ITGA8: variants seen among roughly 807,000 people sequenced by gnomAD.
ITGA8 encodes the protein integrin subunit alpha 8.
ITGA8 carries 91 observed loss-of-function variants against 142.3 expected under a neutral mutation model. The observed-to-expected ratio is 0.64, with a 90% CI of 0.54 to 0.76. ITGA8 has a LOEUF of 0.76. Among genes scored for constraint, ITGA8 ranks in the 30% least tolerant of loss-of-function variants. The probability of loss-of-function intolerance (pLI) is 0.00; values close to 1 mark genes in which losing one functional copy is unlikely to be tolerated. For synonymous variants in ITGA8, 505 were observed against 485.2 expected (o/e 1.04, Z -0.54); for missense variants, 1,406 against 1,327.7 (o/e 1.06, Z -0.92).
At chr10:15,627,343 G>T (rs1833602957) in intron 13 of ITGA8, among the ~76,000 whole-genome samples, 1 of 152,182 alleles carries the variant, frequency 6.6e-6, no homozygotes. Flanking sequence ...GATGAGAGGG[G>T]CTGAGCATCC....
chr10:15,682,220 A>G (rs1460695243), intron 4 of ITGA8, among the ~76,000 whole-genome samples: 2 of 152,154 alleles, frequency 1.3e-5, no homozygotes, highest in Non-Finnish European at 2.9e-5. Flanking sequence ...TTGCATCATA[A>G]ACACATTTAT....
At chr10:15,563,567 C>T (rs1405318395) in intron 25 of ITGA8, among the ~76,000 whole-genome samples, 1 of 152,056 alleles carries the variant, frequency 6.6e-6, no homozygotes, top group Non-Finnish European at 1.5e-5. Flanking sequence ...CAAGATATAG[C>T]CTATTATTAT....
At chr10:15,554,963 G>T (rs552055664) in intron 26 of ITGA8, among the ~76,000 whole-genome samples, 2 of 152,078 alleles carry the variant, frequency 1.3e-5, no homozygotes, top group Admixed American at 6.5e-5. Context: ...TAAATCAAGC[G>T]TATGGATTTC....
chr10:15,524,658 T>A (rs1171130710), intron 28 of ITGA8, among the ~76,000 whole-genome samples: 2 of 152,242 alleles, frequency 1.3e-5, no homozygotes, highest in Non-Finnish European at 2.9e-5. Flanking sequence ...CCACGCTCTG[T>A]ATAGATAAAC....
intron 13 of ITGA8, among the ~76,000 whole-genome samples, chr10:15,638,977 A>C (rs1330206996): frequency 6.6e-6 from 1 of 152,028 alleles, no homozygotes; most frequent in East Asian, 1.9e-4. Flanking sequence ...AAAAATCAAA[A>C]AATTAGCCAG....
chr10:15,582,819 T>C (rs1007025304), intron 23 of ITGA8, among the ~76,000 whole-genome samples: 2 of 152,216 alleles, frequency 1.3e-5, no homozygotes, highest in Non-Finnish European at 2.9e-5. Flanking sequence ...TCATGCATGG[T>C]TGGTGGGAAT....
At chr10:15,692,400 A>C (rs1327409174) in intron 2 of ITGA8, among the ~76,000 whole-genome samples, 1 of 152,212 alleles carries the variant, frequency 6.6e-6, no homozygotes, top group Admixed American at 6.5e-5. Context: ...TTTTCTTAAG[A>C]TTTGCATTTC....
At chr10:15,538,643 T>TATA (rs926931458) in intron 27 of ITGA8, among the ~76,000 whole-genome samples, 2 of 151,372 alleles carry the variant, frequency 1.3e-5, no homozygotes, top group African/African-American at 2.4e-5. Context: ...AAACTTAAAG[T>TATA]ATAATAATAA....
At chr10:15,662,893 T>C (rs183215569) in intron 8 of ITGA8, among the ~76,000 whole-genome samples, 1 of 152,348 alleles carries the variant, frequency 6.6e-6, no homozygotes, top group African/African-American at 2.4e-5. Flanking sequence ...TCTTGGGTTT[T>C]AGCTCACTAC....
chr10:15,705,915 C>T (rs1010908769), intron 2 of ITGA8, among the ~76,000 whole-genome samples: 8 of 152,132 alleles, frequency 5.3e-5, no homozygotes, highest in African/African-American at 1.9e-4. Flanking sequence ...CATGGTGCCC[C>T]AGGAGTCAAT....
At chr10:15,703,262 A>G (rs528611704) in intron 2 of ITGA8, among the ~76,000 whole-genome samples, 4 of 152,252 alleles carry the variant, frequency 2.6e-5, no homozygotes, top group African/African-American at 9.6e-5. Context: ...AATTATTTTC[A>G]TGTCTAGACT....
At chr10:15,565,789 C>T (rs1834068442) in intron 25 of ITGA8, among the ~76,000 whole-genome samples, 1 of 151,674 alleles carries the variant, frequency 6.6e-6, no homozygotes, top group Non-Finnish European at 1.5e-5. Flanking sequence ...GGGGTTTTGC[C>T]ATGGTTGCCA....
chr10:15,551,952 T>A, intron 26 of ITGA8, among the ~76,000 whole-genome samples: 1 of 152,006 alleles, frequency 6.6e-6, no homozygotes, highest in Non-Finnish European at 1.5e-5. Flanking sequence ...TTTTATGATA[T>A]TCGGAAGTTT....
chr10:15,604,863 C>A (rs142639882), intron 19 of ITGA8, among the ~76,000 whole-genome samples: 27 of 152,044 alleles, frequency 1.8e-4, no homozygotes, highest in Non-Finnish European at 3.1e-4. Flanking sequence ...AGGGAAGAAG[C>A]AGGCAGATAC....
intron 4 of ITGA8, among the ~76,000 whole-genome samples, chr10:15,681,390 C>T (rs751877885): frequency 1.3e-5 from 2 of 152,160 alleles, no homozygotes; most frequent in Non-Finnish European, 2.9e-5. Context: ...TGTGGCTATA[C>T]ACCACAAAGG....
intron 13 of ITGA8, among the ~76,000 whole-genome samples, chr10:15,630,929 G>C (rs1350430823): frequency 1.3e-5 from 2 of 152,000 alleles, no homozygotes; most frequent in African/African-American, 2.4e-5. Flanking sequence ...CTGTGATGCT[G>C]AGCTTTTTTT....
At chr10:15,518,141 A>G (rs1042092786) in intron 29 of ITGA8, among the ~76,000 whole-genome samples, 1 of 152,168 alleles carries the variant, frequency 6.6e-6, no homozygotes, top group African/African-American at 2.4e-5. Flanking sequence ...TGACTCTAGG[A>G]TTTTCCTCCT....
At chr10:15,719,366 C>T (rs183864315) in intron 1 of ITGA8, among the ~76,000 whole-genome samples, 197 bp downstream of exon 1, 1 of 152,324 alleles carries the variant, frequency 6.6e-6, no homozygotes, top group Admixed American at 6.5e-5. Context: ...AGTGGCATGT[C>T]TCTAGCTCAA....
intron 20 of ITGA8, among the ~76,000 whole-genome samples, chr10:15,599,686 C>T (rs1006672668): frequency 2.0e-5 from 3 of 147,552 alleles, no homozygotes; most frequent in African/African-American, 7.5e-5. Flanking sequence ...TTTGGGAGGC[C>T]GAGGCAGGTG....
Sources: gnomAD v4.1 joint callset for allele counts (sites outside exome capture counted in the v4.1 genomes callset) on GRCh38, gnomAD v4.1.1 for gene constraint, MANE v1.5 for transcripts, NCBI Gene and HGNC (gene_info 2026-07-23, HGNC 2026-07-21) for gene names.